The following NRIP1 variants were observed in gnomAD, a reference collection of about 807,000 sequenced individuals.
NRIP1 encodes nuclear receptor-interacting protein 1.
In NRIP1, 28 loss-of-function variants were observed where a neutral mutation model predicts 75.0. The observed-to-expected ratio is 0.37, with a 90% CI of 0.28 to 0.51. The LOEUF (loss-of-function observed/expected upper bound fraction) is 0.51, where lower values mean the gene tolerates loss of function less well. Ranked by LOEUF, NRIP1 falls within the 20% of genes least tolerant of loss-of-function variation. The pLI is 0.92. For missense variants in NRIP1, 1,435 were observed against 1,343.7 expected (o/e 1.07, Z -1.06); for synonymous variants, 526 against 487.6 (o/e 1.08, Z -1.04).
In NRIP1 at chr21:14,966,203, C is replaced by T. The variant is rs1291549912; in HGVS notation, c.1990G>A (p.Gly664Ser). 1 of 1,613,690 alleles carries T rather than the reference C, an allele frequency of 6.2e-7. No homozygotes were observed. Among genetic ancestry groups the T allele is most frequent in the Non-Finnish European group, 8.5e-7 (1 of 1,179,918 alleles). ...LLTGNTDKPIGMIDRLNSPLL... is the reference protein window; with the variant it reads ...LLTGNTDKPISMIDRLNSPLL... ...GGGCTATTTAATCTATCAATCATAC[C>T]TATCGGTTTATCTGTGTTTCCAGTT... is the stretch of plus-strand genomic sequence containing the variant. The change falls in exon 4 of 4, where the codon GGT becomes AGT. Residue 664 changes from glycine (G) to serine (S), a missense_variant. Transcript: ENST00000318948.
intron 3 of NRIP1, among the ~76,000 whole-genome samples, chr21:15,002,740 G>A (rs897713118): frequency 2.6e-5 from 4 of 152,006 alleles, no homozygotes; most frequent in African/African-American, 7.3e-5. Context: ...ACTATCCAGC[G>A]CAGTTTTACA....
rs1284446713 is a variant in NRIP1 at position 14,986,799 on chromosome 21, A to G, written c.-334-18273T>C. Among the ~76,000 whole-genome samples, 4 of 152,222 alleles carry G rather than the reference A, an allele frequency of 2.6e-5. No individual in the cohort carries two copies. In the East Asian group the frequency reaches 7.7e-4, roughly 29 times the overall value. On this transcript the variant is annotated intron_variant, in intron 3 of 3. Coordinates refer to ENST00000318948, the MANE Select transcript of NRIP1 (RefSeq NM_003489.4). ...TAAACTTACAAACATCTTATCCTTC[A>G]TAATACCAGATTACACAAATTTAAA...
rs527887289 is a variant in NRIP1, at chr21:14,965,837, G to A, written c.2356C>T (p.Pro786Ser). 3.1e-6 allele frequency: 5 copies of A among 1,613,992 alleles called. No individual in the cohort carries two copies. Among genetic ancestry groups the A allele is most frequent in the African/African-American group, 1.3e-5 (1 of 75,016 alleles). The change falls in exon 4 of 4, where the codon CCT becomes TCT. Residue 786 changes from proline (P) to serine (S), a missense_variant. Pro to Ser is a moderately conservative substitution (Grantham distance 74, BLOSUM62 -1). Coordinates refer to ENST00000318948, the MANE Select transcript of NRIP1 (RefSeq NM_003489.4). Reference protein sequence around the residue: ...AKSAPFLGMAPAVQRSAPALP... With the variant: ...AKSAPFLGMASAVQRSAPALP... ...GCAGGTGCGCTTCTCTGCACAGCAG[G>A]AGCCATACCCAAGAATGGGGCACTC...
intron 3 of NRIP1, among the ~76,000 whole-genome samples, chr21:14,977,310 C>T (rs1239716559): frequency 1.3e-5 from 2 of 152,136 alleles, no homozygotes; most frequent in Non-Finnish European, 2.9e-5. Flanking sequence ...GGAGAACTCT[C>T]GTTGTTCTCC....
At chr21:15,030,943 T>A (rs1445211560) in intron 2 of NRIP1, among the ~76,000 whole-genome samples, 17 of 130,762 alleles carry the variant, frequency 1.3e-4, no homozygotes, top group African/African-American at 3.8e-4. Flanking sequence ...TGGAAGGCAC[T>A]CAGAGGATCA....
chr21:14,978,787 T>A (rs2087150863), intron 3 of NRIP1, among the ~76,000 whole-genome samples: 1 of 152,218 alleles, frequency 6.6e-6, no homozygotes, highest in South Asian at 2.1e-4. Flanking sequence ...TAAAAACATT[T>A]AATTTTTAAA....
intron 1 of NRIP1, among the ~76,000 whole-genome samples, chr21:15,052,675 T>A (rs1262017497): frequency 6.6e-6 from 1 of 152,186 alleles, no homozygotes; most frequent in Non-Finnish European, 1.5e-5. Context: ...ATACGTCTTT[T>A]TTACACCTAT....
rs541927785 is a variant in NRIP1 at position 15,031,518 on chromosome 21, T to C, written c.-458+11977A>G. 6.3e-5 allele frequency among the ~76,000 whole-genome samples: 9 copies of C among 143,938 alleles called. No individual in the cohort carries two copies. In the South Asian group the frequency reaches 2.1e-3, roughly 33 times the overall value. The allele number at this position is 143,938 out of a possible 152,430, so 94.4% of individuals were successfully genotyped here. A position where few individuals can be genotyped will look rare whatever the true frequency, so the allele number is the denominator to read the frequency against. On this transcript the variant is annotated intron_variant, in intron 2 of 3. Transcript: ENST00000318948. ...AGAGGTTCACCACATTCCCTTTCTA[T>C]GTATATACACTCTGGAAGGCGGTTG... is the stretch of plus-strand genomic sequence containing the variant.
chr21:15,024,567 A>AGT (rs60376904), intron 2 of NRIP1, among the ~76,000 whole-genome samples: 11,318 of 145,564 alleles, frequency 0.078, 531 homozygotes, highest in Middle Eastern at 0.14. Flanking sequence ...TGGTATCCAG[A>AGT]GTGTGTGTGT....
chr21:14,995,112 G>C (rs1384711101), intron 3 of NRIP1, among the ~76,000 whole-genome samples: 2 of 151,518 alleles, frequency 1.3e-5, no homozygotes, highest in African/African-American at 4.8e-5. Context: ...TAAAACAAAT[G>C]GAAAATGTAA....
intron 2 of NRIP1, among the ~76,000 whole-genome samples, chr21:15,017,557 G>C (rs912873295): frequency 6.6e-6 from 1 of 152,126 alleles, no homozygotes; most frequent in Non-Finnish European, 1.5e-5. Context: ...CCTGTAAGGT[G>C]ATTATTATTA....
intron 3 of NRIP1, among the ~76,000 whole-genome samples, chr21:14,975,739 T>C (rs1445788755): frequency 6.6e-6 from 1 of 151,928 alleles, no homozygotes; most frequent in Non-Finnish European, 1.5e-5. Flanking sequence ...CAGTATTGCC[T>C]CATCCTTCTA....
chr21:15,051,021 C>T (rs776540154), intron 1 of NRIP1: 7 of 401,714 alleles, frequency 1.7e-5, no homozygotes, highest in Non-Finnish European at 3.0e-5. Context: ...TGCAAACTAG[C>T]GAATCCTAAA....
chr21:15,048,028 G>C (rs1385074657), intron 1 of NRIP1, among the ~76,000 whole-genome samples: 2 of 152,192 alleles, frequency 1.3e-5, no homozygotes, highest in Non-Finnish European at 2.9e-5. Flanking sequence ...CCCAAGGAAA[G>C]GGAGATGAGA....
Position 14,968,100 on chromosome 21 carries a change from C to T in NRIP1, c.93G>A (p.Gly31=). The T allele has an allele frequency of 6.2e-7, 1 of 1,614,084 alleles. No homozygotes were observed. Among genetic ancestry groups the T allele is most frequent in the East Asian group, 2.2e-5 (1 of 44,876 alleles). The change falls in exon 4 of 4, where the codon GGG becomes GGA. Residue 31 remains glycine, a synonymous_variant. Transcript: ENST00000318948. The stretch of plus-strand genomic sequence containing the variant: ...TTTTGTCAACGGCAGTACCTGATCC[C>T]CCTGCTGCCTGATGCATTAGTAATC... ...LEGLLMHQAA[G]GSGTAVDKKS...
chr21:15,051,026 C>A (rs993606887), intron 1 of NRIP1: 2 of 396,310 alleles, frequency 5.0e-6, no homozygotes, highest in Admixed American at 5.7e-5. Context: ...ACTAGCGAAT[C>A]CTAAACTTGG....
At chr21:14,998,635 C>T (rs772201005) in intron 3 of NRIP1, among the ~76,000 whole-genome samples, 7 of 152,196 alleles carry the variant, frequency 4.6e-5, no homozygotes, top group Non-Finnish European at 1.0e-4. Flanking sequence ...AATCCTGAGA[C>T]AGCAACACCA....
In NRIP1 at chr21:14,965,828, G is replaced by C. The variant is rs768823672; in HGVS notation, c.2365C>G (p.Gln789Glu). Reference protein sequence around the residue: ...APFLGMAPAVQRSAPALPVSE... With the variant: ...APFLGMAPAVERSAPALPVSE... The stretch of plus-strand genomic sequence containing the variant: ...ACTGGTAAGGCAGGTGCGCTTCTCT[G>C]CACAGCAGGAGCCATACCCAAGAAT... Residue 789 changes from glutamine (Q) to glutamate (E), a missense_variant, in exon 4 of 4, where the codon CAG (glutamine) becomes GAG (glutamate). By Grantham distance (29) the Gln-to-Glu change is conservative. Coordinates refer to ENST00000318948, the MANE Select transcript of NRIP1 (RefSeq NM_003489.4). The C allele has an allele frequency of 1.9e-6, 3 of 1,613,800 alleles. No homozygotes were observed. In the Admixed American group the frequency reaches 5.0e-5, roughly 27 times the overall value.
chr21:14,978,964 TTAAA>T (rs1488168650), intron 3 of NRIP1, among the ~76,000 whole-genome samples: 2 of 152,158 alleles, frequency 1.3e-5, no homozygotes, highest in African/African-American at 4.8e-5. Context: ...TGGAAAATTG[TTAAA>T]TAAAGTTAAT....
Sources: gnomAD v4.1 joint callset for allele counts (sites outside exome capture counted in the v4.1 genomes callset) on GRCh38, gnomAD v4.1.1 for gene constraint, MANE v1.5 for transcripts, NCBI Gene and HGNC (gene_info 2026-07-23, HGNC 2026-07-21) for gene names.